Variants in DST observed in about 807,000 individuals in gnomAD.
DST encodes bullous pemphigoid antigen.
DST carries 253 observed loss-of-function variants against 875.2 expected under a neutral mutation model. That is an observed-to-expected ratio of 0.29 (90% CI 0.26 to 0.32). The LOEUF is 0.32. Ranked by LOEUF, DST falls within the 10% of genes least tolerant of loss-of-function variation. DST has a pLI of 1.00. For synonymous variants in DST, 3,124 were observed against 3,197.1 expected (o/e 0.98, Z 0.77); for missense variants, 8,287 against 9,111.6 (o/e 0.91, Z 3.68).
intron 13 of DST, among the ~76,000 whole-genome samples, chr6:56,647,515 G>A (rs2098950365): frequency 6.6e-6 from 1 of 152,054 alleles, no homozygotes; most frequent in Non-Finnish European, 1.5e-5. Context: ...TTCTATCCCA[G>A]TTTGATCATG....
At chr6:56,922,916 A>C (rs61340009) in intron 2 of DST, among the ~76,000 whole-genome samples, 29,365 of 152,112 alleles carry the variant, frequency 0.19, 3,029 homozygotes, top group Middle Eastern at 0.25. Flanking sequence ...AAAGTAATTA[A>C]AATTAATATT....
At chr6:56,544,724 A>G (rs1000502627) in intron 61 of DST, among the ~76,000 whole-genome samples, 2 of 152,204 alleles carry the variant, frequency 1.3e-5, no homozygotes, top group Non-Finnish European at 2.9e-5. Flanking sequence ...CACTTATTTA[A>G]TAACTAAATT....
rs569221736 is a variant in DST, at chr6:56,906,495, C to T, written c.217-5874G>A. On this transcript the variant is annotated intron_variant, in intron 2 of 103. Coordinates refer to ENST00000680361, the MANE Select transcript of DST (RefSeq NM_001374736.1). ...AGCCACGTGTACAGTAAGAAGAAGA[C>T]AAAATGGTGCTGGCCAAGGGAAGAG... Among the ~76,000 whole-genome samples, 3 of 152,176 alleles carry T rather than the reference C, an allele frequency of 2.0e-5. No homozygotes were observed. In the South Asian group the frequency reaches 6.2e-4, roughly 32 times the overall value.
intron 55 of DST, among the ~76,000 whole-genome samples, chr6:56,567,019 C>T (rs896938827): frequency 2.0e-5 from 3 of 152,242 alleles, no homozygotes; most frequent in African/African-American, 7.2e-5. Context: ...GGTGACTGGA[C>T]AAATCAATCA....
chr6:56,712,885 T>C (rs941405618), intron 5 of DST, among the ~76,000 whole-genome samples: 4 of 152,214 alleles, frequency 2.6e-5, no homozygotes, highest in Admixed American at 6.5e-5. Flanking sequence ...AGCTAATGAC[T>C]CTCTTGTAAC....
intron 4 of DST, among the ~76,000 whole-genome samples, chr6:56,770,698 C>T (rs982446742): frequency 6.6e-6 from 1 of 152,088 alleles, no homozygotes; most frequent in African/African-American, 2.4e-5. Context: ...AACCTGCTGC[C>T]TTTAAAAATG....
At chr6:56,798,887 G>A (rs2099743564) in intron 4 of DST, among the ~76,000 whole-genome samples, 2 of 152,158 alleles carry the variant, frequency 1.3e-5, no homozygotes, top group Non-Finnish European at 2.9e-5. Flanking sequence ...GAAGGGTTGA[G>A]GACTTCAGTC....
At chr6:56,740,361 A>G (rs992445297) in intron 4 of DST, among the ~76,000 whole-genome samples, 12 of 152,302 alleles carry the variant, frequency 7.9e-5, no homozygotes, top group African/African-American at 2.6e-4. Flanking sequence ...CCTGACAGAA[A>G]GGCAGTGTGG....
intron 50 of DST, among the ~76,000 whole-genome samples, chr6:56,574,892 T>C (rs985533898): frequency 1.1e-4 from 16 of 152,212 alleles, no homozygotes; most frequent in Non-Finnish European, 2.1e-4. Context: ...AGGGACAAGC[T>C]GTGTCCTGAA....
chr6:56,501,393 G>T, intron 79 of DST, 127 bp downstream of exon 79: 7 of 1,110,072 alleles, frequency 6.3e-6, no homozygotes, highest in Non-Finnish European at 8.5e-6. Flanking sequence ...TAAGTTTGAC[G>T]CTCCTCATGG....
intron 50 of DST, among the ~76,000 whole-genome samples, chr6:56,577,260 C>T (rs1439398131): frequency 6.6e-6 from 1 of 152,124 alleles, no homozygotes; most frequent in Non-Finnish European, 1.5e-5. Flanking sequence ...AATGCCTCTT[C>T]GAGTAACATA....
intron 73 of DST, among the ~76,000 whole-genome samples, chr6:56,510,467 CA>C (rs1330825401): frequency 6.6e-6 from 1 of 151,978 alleles, no homozygotes. Flanking sequence ...ACAGAAGTTA[CA>C]AGTGTCAGAA....
intron 52 of DST, 76 bp from the exon 53 acceptor site, chr6:56,572,342 C>T (rs369150258): frequency 1.0e-4 from 107 of 1,020,912 alleles, no homozygotes; most frequent in African/African-American, 4.4e-4. Context: ...GAGGTCTGTG[C>T]GGGATCAGAA....
chr6:56,486,795 A>T (rs2095585054), intron 87 of DST, among the ~76,000 whole-genome samples: 1 of 152,214 alleles, frequency 6.6e-6, no homozygotes, highest in East Asian at 1.9e-4. Context: ...GTAGTTATGT[A>T]GAAATTAAGT....
At chr6:56,761,702 A>AC (rs1216077563) in intron 4 of DST, among the ~76,000 whole-genome samples, 50 of 151,972 alleles carry the variant, frequency 3.3e-4, no homozygotes, top group African/African-American at 1.1e-3. Flanking sequence ...TTAGGAACCT[A>AC]TTAAAAAAAA....
At chr6:56,628,252 A>T (rs1490842831) in intron 32 of DST, 91 bp from the exon 33 acceptor site, 6 of 1,111,266 alleles carry the variant, frequency 5.4e-6, no homozygotes, top group Non-Finnish European at 8.1e-6. Flanking sequence ...AAATAATTGG[A>T]CTGCAATGAA....
At chr6:56,886,129 C>T (rs1784580469) in intron 3 of DST, among the ~76,000 whole-genome samples, 1 of 152,172 alleles carries the variant, frequency 6.6e-6, no homozygotes, top group Admixed American at 6.5e-5. Context: ...AAGCTACTCC[C>T]TGGGAATGAG....
At position 56,555,677 on chromosome 6, in the gene DST, A is replaced by C; in HGVS notation, c.14804T>G (p.Leu4935Trp). Residue 4935 changes from leucine (L) to tryptophan (W), a missense_variant, in exon 60 of 104, where the codon TTG becomes TGG. By Grantham distance (61) the Leu-to-Trp change is moderately conservative. Around this residue, in one of 10 missense-constraint regions of DST, gnomAD observed 1,513 missense variants for 1,677.8 expected, o/e 0.90. Transcript: ENST00000680361. ...TQKWDSLTGQ[L>W]SDRCDWIDQA... ...GTCAATCCAGTCACATCTGTCACTC[A>C]ATTGCCCTGTTAGGCTATCCCATTT... 1 of 1,613,876 alleles carries C rather than the reference A, an allele frequency of 6.2e-7. No individual in the cohort carries two copies. The highest frequency in any genetic ancestry group is 1.7e-5 in the Admixed American group (1 of 60,014).
At chr6:56,939,975 G>A (rs1053954970) in intron 2 of DST, among the ~76,000 whole-genome samples, 21 of 151,774 alleles carry the variant, frequency 1.4e-4, no homozygotes, top group African/African-American at 4.8e-4. Context: ...GCAGTGAGCC[G>A]AGATCGTGCC....
Sources: gnomAD v4.1 joint callset for allele counts (sites outside exome capture counted in the v4.1 genomes callset) on GRCh38, gnomAD v4.1.1 for gene constraint, gnomAD v4.1.1 regional missense constraint, MANE v1.5 for transcripts, NCBI Gene and HGNC (gene_info 2026-07-23, HGNC 2026-07-21) for gene names.